The following PCDH15 variants were observed in gnomAD, a reference collection of about 807,000 sequenced individuals.
PCDH15 encodes protocadherin related 15.
In PCDH15, 129 loss-of-function variants were observed where a neutral mutation model predicts 178.5. That is an observed-to-expected ratio of 0.72 (90% CI 0.63 to 0.84). PCDH15 has a LOEUF of 0.84. Ranked by LOEUF, PCDH15 falls within the 40% of genes least tolerant of loss-of-function variation. The pLI, the probability that PCDH15 is intolerant of heterozygous loss-of-function variation, is 0.00. For missense variants in PCDH15, 2,230 were observed against 2,099.9 expected (o/e 1.06, Z -1.21); for synonymous variants, 800 against 732.0 (o/e 1.09, Z -1.50).
chr10:55,527,673 A>C (rs1254450599), intron 2 of PCDH15, among the ~76,000 whole-genome samples: 1 of 151,982 alleles, frequency 6.6e-6, no homozygotes, highest in Non-Finnish European at 1.5e-5. Flanking sequence ...TATCAAATTT[A>C]ATATTAAATC....
chr10:54,108,560 G>C (rs1023463067), intron 15 of PCDH15, among the ~76,000 whole-genome samples: 1 of 152,112 alleles, frequency 6.6e-6, no homozygotes, highest in African/African-American at 2.4e-5. Context: ...ATGCAGTCTA[G>C]GCCACAAAGA....
intron 20 of PCDH15, among the ~76,000 whole-genome samples, chr10:54,001,217 C>G (rs1204727333): frequency 1.3e-5 from 2 of 152,000 alleles, no homozygotes; most frequent in Admixed American, 6.6e-5. Context: ...AAAGAAAGTT[C>G]GTGAGTAATA....
chr10:54,031,553 GA>G (rs150262537), intron 18 of PCDH15, among the ~76,000 whole-genome samples: 4,159 of 129,400 alleles, frequency 0.032, 195 homozygotes, highest in African/African-American at 0.1. Context: ...GGTAGAGAAG[GA>G]AAAAAAAAAG....
At chr10:55,405,303 TAC>T (rs57560516) in intron 2 of PCDH15, among the ~76,000 whole-genome samples, 3,528 of 144,536 alleles carry the variant, frequency 0.024, 218 homozygotes, top group Non-Finnish European at 0.037. Context: ...TATATATATA[TAC>T]AATTTAATGT....
intron 8 of PCDH15, among the ~76,000 whole-genome samples, chr10:54,257,694 A>T (rs7898902): frequency 6.6e-6 from 1 of 152,006 alleles, no homozygotes; most frequent in African/African-American, 2.4e-5. Flanking sequence ...CATGTGTAGG[A>T]TTGGAGGGTG....
At chr10:55,070,700 T>G (rs890291976) in intron 2 of PCDH15, among the ~76,000 whole-genome samples, 2 of 152,156 alleles carry the variant, frequency 1.3e-5, no homozygotes, top group African/African-American at 4.8e-5. Context: ...TAGTTTGAAG[T>G]CAGGTAGCGT....
chr10:55,146,113 C>T (rs1475580273), intron 2 of PCDH15, among the ~76,000 whole-genome samples: 1 of 151,978 alleles, frequency 6.6e-6, no homozygotes, highest in Non-Finnish European at 1.5e-5. Flanking sequence ...GTGCCAAGCA[C>T]TACTAACCAC....
intron 2 of PCDH15, among the ~76,000 whole-genome samples, chr10:55,524,847 T>C (rs1314115439): frequency 2.6e-5 from 4 of 151,796 alleles, no homozygotes; most frequent in Non-Finnish European, 4.4e-5. Flanking sequence ...AAAATAAATT[T>C]AAACATCAAT....
At chr10:54,423,537 T>C (rs917203683) in intron 3 of PCDH15, among the ~76,000 whole-genome samples, 63 of 151,872 alleles carry the variant, frequency 4.1e-4, no homozygotes, top group Non-Finnish European at 7.1e-4. Flanking sequence ...ACAATTTCTT[T>C]AGACATGGTG....
chr10:53,988,780 T>C (rs1275951217), intron 21 of PCDH15, among the ~76,000 whole-genome samples: 2 of 151,876 alleles, frequency 1.3e-5, no homozygotes, highest in African/African-American at 2.4e-5. Flanking sequence ...ATCTGTCTTG[T>C]TTAAAGTATG....
chr10:54,305,694 T>C (rs1762861966), intron 8 of PCDH15, among the ~76,000 whole-genome samples: 1 of 152,042 alleles, frequency 6.6e-6, no homozygotes, highest in African/African-American at 2.4e-5. Context: ...AACAAAGTCA[T>C]GAATTATCTA....
At chr10:55,363,919 G>T (rs1845291534) in intron 2 of PCDH15, among the ~76,000 whole-genome samples, 1 of 152,126 alleles carries the variant, frequency 6.6e-6, no homozygotes, top group African/African-American at 2.4e-5. Flanking sequence ...TTATAAGCGT[G>T]AGCCACTGTG....
At chr10:53,992,116 T>TGGGAGGAATGAGCAACTCTGGAC in intron 21 of PCDH15, among the ~76,000 whole-genome samples, 1 of 151,686 alleles carries the variant, frequency 6.6e-6, no homozygotes, top group African/African-American at 2.4e-5. Flanking sequence ...ATGAACCCAC[T>TGGGAGGAATGAGCAACTCTGGAC]GGGAGGAATG....
chr10:54,294,710 A>G (rs1193553877), intron 8 of PCDH15, among the ~76,000 whole-genome samples: 1 of 152,206 alleles, frequency 6.6e-6, no homozygotes, highest in East Asian at 1.9e-4. Flanking sequence ...TCAATCTGTC[A>G]AAATTACACA....
At chr10:55,438,962 G>A (rs536457827) in intron 2 of PCDH15, among the ~76,000 whole-genome samples, 26 of 151,638 alleles carry the variant, frequency 1.7e-4, no homozygotes, top group African/African-American at 5.3e-4. Flanking sequence ...GCAGTGGCAC[G>A]ATCTCGGCTC....
chr10:54,087,315 C>T (rs1458634170), intron 16 of PCDH15, among the ~76,000 whole-genome samples: 1 of 152,136 alleles, frequency 6.6e-6, no homozygotes, highest in Non-Finnish European at 1.5e-5. Context: ...CTCTCCCACT[C>T]CTCATTTTCA....
rs76026132 is a variant in PCDH15 at position 54,826,357 on chromosome 10, G to A, written c.-29+71093C>T. Among the ~76,000 whole-genome samples the A allele has an allele frequency of 7.3e-3, 1,104 of 151,908 alleles. 17 individuals are homozygous for A. The highest frequency in any genetic ancestry group is 0.026 in the African/African-American group (1,058 of 41,476). ...TAAAAGTATGGTTAATCATATCAAA[G>A]AAAATTATGTTCAAAATGGATTTAA... On this transcript the variant is annotated intron_variant, in intron 3 of 5. Transcript: ENST00000458638.
chr10:54,192,114 A>AT (rs761704757), intron 11 of PCDH15, among the ~76,000 whole-genome samples: 9 of 133,466 alleles, frequency 6.7e-5, no homozygotes, highest in East Asian at 2.2e-4. Flanking sequence ...AAAGAAAAAA[A>AT]AAAAAGAAAG....
intron 2 of PCDH15, among the ~76,000 whole-genome samples, chr10:55,064,309 T>C (rs1387236550): frequency 1.3e-5 from 2 of 152,128 alleles, no homozygotes; most frequent in East Asian, 1.9e-4. Flanking sequence ...AATAACTTAA[T>C]TGATTGACAC....
Sources: gnomAD v4.1 joint callset for allele counts (sites outside exome capture counted in the v4.1 genomes callset) on GRCh38, gnomAD v4.1.1 for gene constraint, MANE v1.5 for transcripts, NCBI Gene and HGNC (gene_info 2026-07-23, HGNC 2026-07-21) for gene names.